Variants in ZDHHC14 observed in about 807,000 individuals in gnomAD.
The protein encoded by ZDHHC14 is zDHHC palmitoyltransferase 14.
ZDHHC14 carries 16 observed loss-of-function variants against 47.7 expected under a neutral mutation model. The observed-to-expected ratio is 0.34, with a 90% CI of 0.23 to 0.51. The LOEUF is 0.51. Among genes scored for constraint, ZDHHC14 ranks in the 20% least tolerant of loss-of-function variants. The pLI is 0.97. For synonymous variants in ZDHHC14, 293 were observed against 278.9 expected (o/e 1.05, Z -0.50); for missense variants, 515 against 662.5 (o/e 0.78, Z 2.44).
At chr6:157,663,784 ACCACTTC>A (rs1040659649) in intron 8 of ZDHHC14, among the ~76,000 whole-genome samples, 2 of 152,122 alleles carry the variant, frequency 1.3e-5, no homozygotes, top group Admixed American at 1.3e-4. Flanking sequence ...CACGGGGCTC[ACCACTTC>A]CCAGACTATA....
At chr6:157,613,547 G>C (rs746872668) in intron 3 of ZDHHC14, among the ~76,000 whole-genome samples, 1 of 152,160 alleles carries the variant, frequency 6.6e-6, no homozygotes, top group Non-Finnish European at 1.5e-5. Context: ...ATTTTAGGTT[G>C]TATACCTCCG....
intron 1 of ZDHHC14, among the ~76,000 whole-genome samples, chr6:157,489,693 C>G (rs1460630267): frequency 6.6e-6 from 1 of 152,166 alleles, no homozygotes; most frequent in Non-Finnish European, 1.5e-5. Context: ...AGATAAGAAC[C>G]GCAATGCGTG....
At chr6:157,395,792 CA>C (rs1186869019) in intron 1 of ZDHHC14, among the ~76,000 whole-genome samples, 2,056 of 106,798 alleles carry the variant, frequency 0.019, 29 homozygotes, top group African/African-American at 0.051. Flanking sequence ...GACTCCATCT[CA>C]AAAAAAAAAA....
chr6:157,544,396 C>A (rs1289397876), intron 2 of ZDHHC14, among the ~76,000 whole-genome samples: 2 of 152,080 alleles, frequency 1.3e-5, no homozygotes, highest in African/African-American at 4.8e-5. Context: ...GCCTGTAATC[C>A]CAGCACTTTG....
intron 1 of ZDHHC14, among the ~76,000 whole-genome samples, chr6:157,441,175 G>A (rs1159307409): frequency 6.6e-6 from 1 of 152,152 alleles, no homozygotes; most frequent in Non-Finnish European, 1.5e-5. Context: ...TGGAAGTCAG[G>A]GCAGAGATAG....
intron 2 of ZDHHC14, among the ~76,000 whole-genome samples, chr6:157,551,356 GT>G (rs1782223750): frequency 6.6e-6 from 1 of 152,176 alleles, no homozygotes; most frequent in South Asian, 2.1e-4. Context: ...TCAGAGACAG[GT>G]GTAACTCCAC....
intron 1 of ZDHHC14, among the ~76,000 whole-genome samples, chr6:157,453,105 A>G (rs1476550210): frequency 2.0e-5 from 3 of 151,976 alleles, no homozygotes; most frequent in Non-Finnish European, 4.4e-5. Context: ...TGCCTGTCCT[A>G]CAAATGTCCT....
intron 1 of ZDHHC14, among the ~76,000 whole-genome samples, chr6:157,507,928 A>G (rs1478606291): frequency 6.6e-6 from 1 of 152,194 alleles, no homozygotes; most frequent in African/African-American, 2.4e-5. Flanking sequence ...AATATCTGAA[A>G]ATATGTTTAT....
At chr6:157,649,101 C>T (rs1777696823) in intron 7 of ZDHHC14, among the ~76,000 whole-genome samples, 1 of 152,170 alleles carries the variant, frequency 6.6e-6, no homozygotes. Context: ...TTCCAAAATC[C>T]ATGTTCCTTT....
rs1160864820 is a variant in ZDHHC14, at chr6:157,463,867, A to G, written c.246-78718A>G. ...TGGTGAAACCCCATCTCTACAAAAA[A>G]TACAAAAATTAGCCAGGCATTGTGG... On this transcript the variant is annotated intron_variant, in intron 1 of 8. Coordinates refer to ENST00000359775, the MANE Select transcript of ZDHHC14 (RefSeq NM_024630.3). The surrounding 1 kb of genome is among the most constrained non-coding windows in gnomAD (Gnocchi z 4.4). Among the ~76,000 whole-genome samples the G allele has an allele frequency of 1.3e-5, 2 of 152,118 alleles. No homozygotes were observed. Among genetic ancestry groups the G allele is most frequent in the African/African-American group, 4.8e-5 (2 of 41,426 alleles).
intron 1 of ZDHHC14, among the ~76,000 whole-genome samples, chr6:157,410,707 T>A (rs867590792): frequency 6.6e-6 from 1 of 152,200 alleles, no homozygotes; most frequent in African/African-American, 2.4e-5. Context: ...TTTATTTATT[T>A]ATTTTTTTGA....
chr6:157,558,172 T>G (rs1156921041), intron 2 of ZDHHC14, among the ~76,000 whole-genome samples: 1 of 152,212 alleles, frequency 6.6e-6, no homozygotes, highest in Non-Finnish European at 1.5e-5. Context: ...CTAGCCACAA[T>G]ATGTGTGCCC....
At chr6:157,535,219 C>T (rs898911273) in intron 1 of ZDHHC14, among the ~76,000 whole-genome samples, 3 of 152,182 alleles carry the variant, frequency 2.0e-5, no homozygotes, top group African/African-American at 7.2e-5. Flanking sequence ...AAGCCTGGAG[C>T]CCCTCTCCTC....
intron 1 of ZDHHC14, among the ~76,000 whole-genome samples, chr6:157,432,309 G>A (rs1036659792): frequency 6.6e-6 from 1 of 152,112 alleles, no homozygotes; most frequent in African/African-American, 2.4e-5. Context: ...TGACAGAGTG[G>A]GTGCTCAACA....
intron 1 of ZDHHC14, among the ~76,000 whole-genome samples, chr6:157,488,971 T>G (rs979583463): frequency 5.9e-5 from 9 of 152,218 alleles, no homozygotes; most frequent in African/African-American, 2.2e-4. Flanking sequence ...AAGGAAGAGT[T>G]GTTACTCTGT....
At chr6:157,556,957 G>A (rs1782495054) in intron 2 of ZDHHC14, among the ~76,000 whole-genome samples, 1 of 152,202 alleles carries the variant, frequency 6.6e-6, no homozygotes, top group Non-Finnish European at 1.5e-5. Flanking sequence ...CCTGTATCAG[G>A]GAACTGGAGC....
At chr6:157,557,358 G>A (rs937872731) in intron 2 of ZDHHC14, among the ~76,000 whole-genome samples, 12 of 152,278 alleles carry the variant, frequency 7.9e-5, no homozygotes, top group East Asian at 3.9e-4. Flanking sequence ...TCTGCCAGGC[G>A]TCAGGATTGG....
At chr6:157,654,099 T>C (rs185907083) in intron 8 of ZDHHC14, among the ~76,000 whole-genome samples, 1 of 152,220 alleles carries the variant, frequency 6.6e-6, no homozygotes, top group Non-Finnish European at 1.5e-5. Context: ...CTGTGTAAAA[T>C]AGCGCAAATG....
intron 1 of ZDHHC14, among the ~76,000 whole-genome samples, chr6:157,421,544 G>A (rs557309599): frequency 6.7e-6 from 1 of 148,428 alleles, no homozygotes. Flanking sequence ...TCAGTGTACT[G>A]TGCTTTGAGA....
Sources: gnomAD v4.1 joint callset for allele counts (sites outside exome capture counted in the v4.1 genomes callset) on GRCh38, gnomAD v4.1.1 for gene constraint, Gnocchi (gnomAD v3.1) non-coding constraint, MANE v1.5 for transcripts, NCBI Gene and HGNC (gene_info 2026-07-23, HGNC 2026-07-21) for gene names.